The following ARHGAP10 variants were observed in gnomAD, a reference collection of about 807,000 sequenced individuals.
The protein encoded by ARHGAP10 is rho GTPase-activating protein 10.
Under a neutral mutation model 108.6 loss-of-function variants are expected in ARHGAP10, and 87 were observed. The ratio of observed to expected loss-of-function variants is 0.80; its 90% confidence interval spans 0.67 to 0.96. The LOEUF is 0.96. Ranked by LOEUF, ARHGAP10 falls within the 40% of genes least tolerant of loss-of-function variation. The probability of loss-of-function intolerance (pLI) is 0.00; values close to 1 mark genes in which losing one functional copy is unlikely to be tolerated. For missense variants in ARHGAP10, 939 were observed against 954.5 expected (o/e 0.98, Z 0.21); for synonymous variants, 347 against 341.1 (o/e 1.02, Z -0.19).
chr4:148,050,663 G>A (rs990966449), intron 20 of ARHGAP10, among the ~76,000 whole-genome samples: 27 of 151,864 alleles, frequency 1.8e-4, no homozygotes, highest in Admixed American at 4.6e-4. Flanking sequence ...GTGAGCCACC[G>A]TGCCCGGTTG....
intron 1 of ARHGAP10, among the ~76,000 whole-genome samples, chr4:147,793,825 G>C (rs948769234): frequency 6.6e-6 from 1 of 152,154 alleles, no homozygotes; most frequent in African/African-American, 2.4e-5. Context: ...ACATTGATAC[G>C]TATTTGTGGA....
At chr4:147,993,197 T>C (rs768623046) in intron 18 of ARHGAP10, among the ~76,000 whole-genome samples, 2 of 152,228 alleles carry the variant, frequency 1.3e-5, no homozygotes, top group African/African-American at 4.8e-5. Context: ...ATGACAGAGA[T>C]ACATTTATCT....
chr4:147,792,432 C>G (rs1034821142), intron 1 of ARHGAP10, among the ~76,000 whole-genome samples: 1 of 152,106 alleles, frequency 6.6e-6, no homozygotes, highest in Non-Finnish European at 1.5e-5. Flanking sequence ...AATCATAATC[C>G]TTGATTCACA....
At chr4:147,895,330 A>G (rs949985500) in intron 10 of ARHGAP10, among the ~76,000 whole-genome samples, 6 of 151,852 alleles carry the variant, frequency 4.0e-5, no homozygotes, top group Non-Finnish European at 8.8e-5. Context: ...TAGTTCTGGC[A>G]GTTTCTTTAG....
Position 147,866,725 on chromosome 4 carries a change from T to C in ARHGAP10, c.611T>C (p.Phe204Ser), listed in dbSNP as rs1734580224. The stretch of plus-strand genomic sequence containing the variant: ...CCTGTGTCTTAGATGCTGTCATTTT[T>C]TCAGGGGATGTTTACCTTCTATCAT... ...FEFVEPMLSF[F>S]QGMFTFYHQG... is the part of the protein sequence containing the mutation. Residue 204 changes from phenylalanine to serine, a missense_variant, in exon 7 of 23, where the codon TTT (phenylalanine) becomes TCT (serine). By Grantham distance (155) the Phe-to-Ser change is radical (BLOSUM62 -2). Transcript: ENST00000336498. 1.9e-6 allele frequency: 3 copies of C among 1,613,566 alleles called. No homozygotes were observed. Among genetic ancestry groups the C allele is most frequent in the Non-Finnish European group, 2.5e-6 (3 of 1,179,740 alleles).
intron 4 of ARHGAP10, among the ~76,000 whole-genome samples, chr4:147,852,323 C>T (rs781396699): frequency 2.6e-5 from 4 of 152,222 alleles, no homozygotes; most frequent in Non-Finnish European, 5.9e-5. Context: ...TGCTGCAGTC[C>T]TGTGCTGGCC....
At chr4:147,887,627 C>T (rs907294324) in intron 10 of ARHGAP10, among the ~76,000 whole-genome samples, 1 of 151,988 alleles carries the variant, frequency 6.6e-6, no homozygotes, top group African/African-American at 2.4e-5. Context: ...TTTGGGAAGC[C>T]GAGGTGGGTG....
intron 18 of ARHGAP10, among the ~76,000 whole-genome samples, chr4:147,991,682 G>A (rs73854000): frequency 0.13 from 20,266 of 152,168 alleles, 2,128 homozygotes; most frequent in African/African-American, 0.29. Flanking sequence ...ACCATTTAGG[G>A]AATGTTTTAT....
In ARHGAP10 at chr4:147,789,344, C is replaced by CAGTG. The variant is rs978842877; in HGVS notation, c.155-33382_155-33379dup. ...TCACTCTGTCACCAAGGCTGGTGTG[C>CAGTG]AGTGGCACGATCTCAGCTCACTGCT... On this transcript the variant is annotated intron_variant, in intron 1 of 22. Coordinates refer to ENST00000336498, the MANE Select transcript of ARHGAP10 (RefSeq NM_024605.4). Among the ~76,000 whole-genome samples, 23 of 152,228 alleles carry CAGTG rather than the reference C, an allele frequency of 1.5e-4. 1 individual carries two copies. Among genetic ancestry groups the CAGTG allele is most frequent in the Non-Finnish European group, 5.9e-5 (4 of 68,040 alleles).
intron 20 of ARHGAP10, among the ~76,000 whole-genome samples, chr4:148,055,522 C>T (rs1729324105): frequency 6.6e-6 from 1 of 152,132 alleles, no homozygotes; most frequent in Admixed American, 6.5e-5. Flanking sequence ...AACCCTGTCT[C>T]TACTGAAAAT....
At chr4:147,920,996 C>T (rs894219542) in intron 13 of ARHGAP10, among the ~76,000 whole-genome samples, 6 of 152,182 alleles carry the variant, frequency 3.9e-5, no homozygotes, top group African/African-American at 7.2e-5. Context: ...GAAGGTGATA[C>T]GTAGCAAAGA....
At chr4:147,811,797 C>T (rs996361906) in intron 1 of ARHGAP10, among the ~76,000 whole-genome samples, 8 of 152,044 alleles carry the variant, frequency 5.3e-5, no homozygotes, top group Admixed American at 2.0e-4. Context: ...GAGTGAGCTC[C>T]GATATAAAGA....
intron 1 of ARHGAP10, among the ~76,000 whole-genome samples, chr4:147,766,634 G>GTATATATA (rs548373232): frequency 7.3e-6 from 1 of 136,404 alleles, no homozygotes; most frequent in Non-Finnish European, 1.6e-5. Context: ...ATATATATAC[G>GTATATATA]TATATACACA....
intron 13 of ARHGAP10, among the ~76,000 whole-genome samples, chr4:147,924,206 G>A (rs1737360235): frequency 6.6e-6 from 1 of 152,042 alleles, no homozygotes; most frequent in South Asian, 2.1e-4. Flanking sequence ...CAAATGAATG[G>A]TCACATTAAA....
intron 19 of ARHGAP10, among the ~76,000 whole-genome samples, 160 bp from the exon 20 acceptor site, chr4:148,046,732 T>TA (rs903805338): frequency 3.3e-5 from 5 of 152,042 alleles, no homozygotes; most frequent in South Asian, 2.1e-4. Flanking sequence ...CATCTTTGAT[T>TA]AAAAAAAATG....
intron 1 of ARHGAP10, among the ~76,000 whole-genome samples, chr4:147,741,796 A>G (rs866046129): frequency 6.8e-5 from 3 of 43,796 alleles, no homozygotes; most frequent in East Asian, 9.2e-4. Context: ...ACACACGCAC[A>G]CACACACACA....
At chr4:147,975,687 A>T (rs1739566728) in intron 18 of ARHGAP10, among the ~76,000 whole-genome samples, 1 of 152,132 alleles carries the variant, frequency 6.6e-6, no homozygotes, top group Non-Finnish European at 1.5e-5. Flanking sequence ...GATAACATGA[A>T]TCCATTTGTG....
At chr4:147,873,681 AAC>A (rs67852364) in intron 7 of ARHGAP10, among the ~76,000 whole-genome samples, 10,173 of 98,608 alleles carry the variant, frequency 0.1, 452 homozygotes, top group Middle Eastern at 0.14. Context: ...CAAAAAACAA[AAC>A]ACACACACAC....
intron 10 of ARHGAP10, among the ~76,000 whole-genome samples, chr4:147,900,234 G>A (rs959865532): frequency 1.1e-4 from 16 of 152,088 alleles, no homozygotes; most frequent in Admixed American, 2.0e-4. Flanking sequence ...GTGCCTGATT[G>A]GTGATACCAT....
Sources: allele counts gnomAD v4.1 joint callset (sites outside exome capture counted in the v4.1 genomes callset), GRCh38; gene constraint gnomAD v4.1.1; transcripts MANE v1.5; gene names NCBI Gene and HGNC (gene_info 2026-07-23, HGNC 2026-07-21).